The following ZNF69 variants were observed in gnomAD, a reference collection of about 807,000 sequenced individuals.
ZNF69 encodes the protein zinc finger protein 69.
Under a neutral mutation model 50.9 loss-of-function variants are expected in ZNF69, and 47 were observed. The ratio of observed to expected loss-of-function variants is 0.92; its 90% CI spans 0.73 to 1.18. The LOEUF is 1.18. Among genes scored for constraint, ZNF69 ranks in the 50% most tolerant of loss-of-function variants. The pLI, the probability that ZNF69 is intolerant of heterozygous loss-of-function variation, is 0.00. For missense variants in ZNF69, 717 were observed against 675.1 expected, an observed-to-expected ratio of 1.06 and a Z score of -0.69; for synonymous variants, 216 against 223.1, an observed-to-expected ratio of 0.97 and a Z score of 0.29.
chr19:11,922,831 T>A, the ZNF69 span, among the ~76,000 whole-genome samples: 1 of 73,636 alleles, frequency 1.4e-5, no homozygotes, highest in Non-Finnish European at 3.3e-5. Context: ...TTGTTTTTGA[T>A]TTTTTTTTTT....
the ZNF69 span, among the ~76,000 whole-genome samples, chr19:11,975,728 G>A: frequency 6.6e-6 from 1 of 152,146 alleles, no homozygotes; most frequent in Non-Finnish European, 1.5e-5. Context: ...CATTGTATGT[G>A]TATGCTTACT....
At chr19:11,917,253 T>A (rs1381409681), downstream of ZNF69, among the ~76,000 whole-genome samples, 2 of 152,200 alleles carry the variant, frequency 1.3e-5, no homozygotes, top group Non-Finnish European at 2.9e-5. Context: ...ACACATTTGA[T>A]GTCAGGCAAA....
the ZNF69 span, among the ~76,000 whole-genome samples, chr19:11,929,331 T>C: frequency 1.9e-3 from 276 of 147,912 alleles, 39 homozygotes; most frequent in African/African-American, 6.9e-3. Flanking sequence ...ACTCAGCTGA[T>C]TTTTGTATTT....
the ZNF69 span, among the ~76,000 whole-genome samples, chr19:11,931,268 T>C: frequency 2.7e-5 from 4 of 148,064 alleles, no homozygotes; most frequent in Non-Finnish European, 4.4e-5. Flanking sequence ...GCAGATCTAG[T>C]GTCCAGCAAG....
chr19:11,890,903 G>A (rs138242378), intron 1 of ZNF69, among the ~76,000 whole-genome samples: 1 of 152,252 alleles, frequency 6.6e-6, no homozygotes, highest in East Asian at 1.9e-4. Flanking sequence ...TAATTCAAAG[G>A]TTCAGATTTC....
At chr19:11,971,007 AT>A in the ZNF69 span, among the ~76,000 whole-genome samples, 1 of 152,154 alleles carries the variant, frequency 6.6e-6, no homozygotes, top group African/African-American at 2.4e-5. Context: ...CTGTCCTTCC[AT>A]CTCTCTGTTA....
At chr19:11,938,095 G>A in the ZNF69 span, among the ~76,000 whole-genome samples, 1 of 151,860 alleles carries the variant, frequency 6.6e-6, no homozygotes, top group Non-Finnish European at 1.5e-5. Flanking sequence ...TGGAGACGGA[G>A]TCTCACTCTG....
the ZNF69 span, among the ~76,000 whole-genome samples, chr19:11,959,147 A>C: frequency 6.6e-6 from 1 of 152,156 alleles, no homozygotes; most frequent in African/African-American, 2.4e-5. Context: ...TCAGCCTCCC[A>C]AAGTTCTGGG....
chr19:11,904,092 A>G, intron 3 of ZNF69, 127 bp downstream of exon 3: 1 of 1,245,308 alleles, frequency 8.0e-7, no homozygotes, highest in Admixed American at 2.5e-5. Context: ...ATTTGATCAA[A>G]AAACATATAT....
Position 11,905,965 on chromosome 19 carries a change from A to G in ZNF69, c.1568A>G (p.Tyr523Cys). The change falls in exon 4 of 4, where the codon TAC becomes TGC. Residue 523 changes from tyrosine (Y) to cysteine (C), a missense_variant. By Grantham distance (194) the Tyr-to-Cys change is radical (BLOSUM62 -2). Coordinates refer to ENST00000429654, the MANE Select transcript of ZNF69 (RefSeq NM_001364730.1). ...TTCAGTAGTTCCAGTTCCTTTCGAT[A>G]CCATGAAAGGACTCACACTGGAGAG... is the stretch of plus-strand genomic sequence containing the variant. ...EAFSSSSSFRYHERTHTGEKP... is the reference protein window; with the variant it reads ...EAFSSSSSFRCHERTHTGEKP... 1.2e-6 allele frequency: 2 copies of G among 1,613,212 alleles called. No homozygotes were observed. The highest frequency in any genetic ancestry group is 2.2e-5 in the South Asian group (2 of 91,032).
chr19:11,920,985 AG>A, the ZNF69 span, among the ~76,000 whole-genome samples: 3 of 152,064 alleles, frequency 2.0e-5, no homozygotes, highest in Non-Finnish European at 4.4e-5. Context: ...TACCCTCCAA[AG>A]ATGTGCCTGA....
the ZNF69 span, among the ~76,000 whole-genome samples, chr19:11,969,408 C>T: frequency 6.6e-6 from 1 of 152,162 alleles, no homozygotes; most frequent in South Asian, 2.1e-4. Flanking sequence ...CCGGGCCTGA[C>T]TTACTTGTTC....
At chr19:11,935,699 CTTTG>C in the ZNF69 span, among the ~76,000 whole-genome samples, 3 of 152,076 alleles carry the variant, frequency 2.0e-5, no homozygotes, top group South Asian at 2.1e-4. Flanking sequence ...GACAGTTTTA[CTTTG>C]TTTGTTTTGT....
chr19:11,911,698 A>G (rs1187406974), intron 4 of ZNF69, among the ~76,000 whole-genome samples: 1 of 152,190 alleles, frequency 6.6e-6, no homozygotes, highest in African/African-American at 2.4e-5. Flanking sequence ...GAGAGATAGC[A>G]CTGGGAGATA....
chr19:11,956,766 G>A, the ZNF69 span: 20 of 377,944 alleles, frequency 5.3e-5, no homozygotes, highest in Non-Finnish European at 8.4e-5. Context: ...TGAGGCATGA[G>A]AACTGCTTGA....
In ZNF69 at chr19:11,901,866, G is replaced by A. The variant is rs897192103; in HGVS notation, c.64-1707G>A. Among the ~76,000 whole-genome samples, 5 of 152,020 alleles carry A rather than the reference G, an allele frequency of 3.3e-5. No individual in the cohort carries two copies. In the East Asian group the frequency reaches 9.7e-4, roughly 29 times the overall value. The stretch of plus-strand genomic sequence containing the variant: ...TAAGAAATTTTACATGTACAGTTGA[G>A]ATAGTTTGACAGATCTACATAAGTT... On this transcript the variant is annotated intron_variant, in intron 1 of 3. Coordinates refer to ENST00000429654, the MANE Select transcript of ZNF69 (RefSeq NM_001364730.1).
At chr19:11,953,729 G>A in the ZNF69 span, among the ~76,000 whole-genome samples, 1 of 152,202 alleles carries the variant, frequency 6.6e-6, no homozygotes, top group Admixed American at 6.5e-5. Flanking sequence ...AGTGGAAAGA[G>A]GGCAGCAGGT....
chr19:11,953,660 G>A, the ZNF69 span, among the ~76,000 whole-genome samples: 1 of 152,210 alleles, frequency 6.6e-6, no homozygotes, highest in South Asian at 2.1e-4. Context: ...CACAAAGTCA[G>A]TGGGACCCTC....
chr19:11,898,408 T>TTA (rs1266737481), intron 1 of ZNF69, among the ~76,000 whole-genome samples: 1 of 134,844 alleles, frequency 7.4e-6, no homozygotes, highest in Non-Finnish European at 1.6e-5. Flanking sequence ...TTTTTTTTTT[T>TTA]GAGACAGAAT....
Sources: gnomAD v4.1 joint callset for allele counts (sites outside exome capture counted in the v4.1 genomes callset) on GRCh38, gnomAD v4.1.1 for gene constraint, MANE v1.5 for transcripts, NCBI Gene and HGNC (gene_info 2026-07-23, HGNC 2026-07-21) for gene names.